Variants in ESM1 observed in about 807,000 individuals in gnomAD.
ESM1 encodes the protein endothelial cell specific molecule 1, also known as endothelial cell-specific molecule 1.
Under a neutral mutation model 14.9 loss-of-function variants are expected in ESM1, and 7 were observed. The observed-to-expected ratio is 0.47, with a 90% confidence interval of 0.27 to 0.88. The LOEUF (loss-of-function observed/expected upper bound fraction) is 0.88, where lower values mean the gene tolerates loss of function less well. Ranked by LOEUF, ESM1 falls within the 40% of genes least tolerant of loss-of-function variation. The pLI is 0.14. For missense variants in ESM1, 192 were observed against 237.9 expected (o/e 0.81, Z 1.27); for synonymous variants, 89 against 89.4 (o/e 1.00, Z 0.02).
intron 1 of ESM1, 125 bp downstream of exon 1, chr5:54,985,092 G>A: frequency 2.5e-6 from 2 of 814,352 alleles, no homozygotes; most frequent in Non-Finnish European, 4.0e-6. Flanking sequence ...CCTGTGTGGT[G>A]CCTTGTCAAG....
At position 54,979,518 on chromosome 5, in the gene ESM1, G is replaced by A. The variant is rs12517586; in HGVS notation, c.452-83C>T. 4,233 of 910,462 alleles carry A rather than the reference G, an allele frequency of 4.6e-3. 69 individuals are homozygous for A. Among genetic ancestry groups the A allele is most frequent in the East Asian group, 0.032 (1,336 of 41,272 alleles). 56.4% of individuals were successfully genotyped at this position (910,462 alleles called of 1,614,324 possible). A position where few individuals can be genotyped will look rare whatever the true frequency, so the allele number is the denominator to read the frequency against. Reference sequence around the variant, plus strand: ...GTTTTGCTTTATTTTTGTTTTACATGGAATTTACAATGAAATCTTTAATCA... The same window carrying A: ...GTTTTGCTTTATTTTTGTTTTACATAGAATTTACAATGAAATCTTTAATCA... On this transcript the variant is annotated intron_variant, in intron 2 of 2. Transcript: ENST00000381405.
chr5:54,979,548 A>G, intron 2 of ESM1, 113 bp from the exon 3 acceptor site: 1 of 719,864 alleles, frequency 1.4e-6, no homozygotes, highest in Non-Finnish European at 2.4e-6. Context: ...TAATCAATTT[A>G]AGATTCCATG....
intron 2 of ESM1, among the ~76,000 whole-genome samples, chr5:54,980,169 C>T (rs988704642): frequency 2.0e-5 from 3 of 152,092 alleles, no homozygotes; most frequent in Non-Finnish European, 4.4e-5. Context: ...TTGTGAATTC[C>T]CAACTTGGGA....
At chr5:54,985,193 G>A in intron 1 of ESM1, 24 bp downstream of exon 1, 1 of 1,564,892 alleles carries the variant, frequency 6.4e-7, no homozygotes, top group Non-Finnish European at 8.7e-7. Context: ...CCCGGGAGGG[G>A]AGAGGTAAGG....
In ESM1 at chr5:54,978,400, T is replaced by G. The variant is rs1386410069; in HGVS notation, c.*932A>C. 1 of 152,100 alleles carries G rather than the reference T, an allele frequency of 6.6e-6. No individual in the cohort carries two copies. Among genetic ancestry groups the G allele is most frequent in the Non-Finnish European group, 1.5e-5 (1 of 68,032 alleles). The allele number at this position is 152,100 out of a possible 1,614,324, so 9.4% of individuals were successfully genotyped here. ...ATTACTATAATTATGGATAATAAATTTATCATGCCTCAGATGTTTGAAAAC... is the reference window on the plus strand; with the variant it reads ...ATTACTATAATTATGGATAATAAATGTATCATGCCTCAGATGTTTGAAAAC... On this transcript the variant is annotated 3_prime_UTR_variant, in exon 3 of 3. Transcript: ENST00000381405.
chr5:54,985,513 T>C lies in ESM1; in HGVS notation c.5A>G (p.Lys2Arg), dbSNP rs752358144. The C allele has an allele frequency of 6.3e-7, 1 of 1,590,584 alleles. No homozygotes were observed. The highest frequency in any genetic ancestry group is 1.1e-5 in the South Asian group (1 of 89,530). Reference sequence around the variant, plus strand: ...GAGCGTGGTCAGCAGCAAGACGCTCTTCATGTTTCCCAGCTGCCTCCGGCT... The same window carrying C: ...GAGCGTGGTCAGCAGCAAGACGCTCCTCATGTTTCCCAGCTGCCTCCGGCT... M[K>R]SVLLLTTLLV... The change falls in exon 1 of 3, where the codon AAG (lysine) becomes AGG (arginine). Residue 2 changes from lysine (K) to arginine (R), a missense_variant. By Grantham distance (26) the Lys-to-Arg change is conservative. Transcript: ENST00000381405.
At chr5:54,981,557 A>G (rs1407747622) in intron 2 of ESM1, among the ~76,000 whole-genome samples, 1 of 152,208 alleles carries the variant, frequency 6.6e-6, no homozygotes, top group Non-Finnish European at 1.5e-5. Flanking sequence ...GAAACGTTCT[A>G]TATTTTCTAT....
intron 2 of ESM1, among the ~76,000 whole-genome samples, chr5:54,980,907 T>A (rs927506604): frequency 3.3e-5 from 5 of 152,186 alleles, no homozygotes; most frequent in African/African-American, 1.2e-4. Context: ...CTAAATAAAA[T>A]GGACTTGAAT....
chr5:54,979,492 A>G (rs1561243320), intron 2 of ESM1, 57 bp from the exon 3 acceptor site: 1 of 1,192,350 alleles, frequency 8.4e-7, no homozygotes, highest in South Asian at 1.3e-5. Flanking sequence ...AAGACAACAC[A>G]GTTTTGCTTT....
Position 54,981,983 on chromosome 5 carries a change from G to A in ESM1, c.451+14C>T, listed in dbSNP as rs377382189. ...GACTATTCTTCCAATGCTTATACCA[G>A]AATCAGTGCTTACCCGTGAGAGAAA... On this transcript the variant is annotated intron_variant, in intron 2 of 2. Transcript: ENST00000381405. The A allele has an allele frequency of 1.9e-6, 3 of 1,611,716 alleles. No homozygotes were observed. The African/African-American group carries it at 4.0e-5, about 22-fold the overall frequency.
At chr5:54,981,929 T>C in intron 2 of ESM1, 68 bp downstream of exon 2, 1 of 1,445,616 alleles carries the variant, frequency 6.9e-7, no homozygotes, top group African/African-American at 1.4e-5. Flanking sequence ...TACTCACAGA[T>C]ATTTTCTAAG....
At chr5:54,979,928 C>T (rs917481170) in intron 2 of ESM1, among the ~76,000 whole-genome samples, 8 of 152,262 alleles carry the variant, frequency 5.3e-5, no homozygotes, top group Admixed American at 2.6e-4. Context: ...ATGGGTAGAA[C>T]GTTCATAAAG....
At chr5:54,980,929 G>T (rs1676898507) in intron 2 of ESM1, among the ~76,000 whole-genome samples, 1 of 152,168 alleles carries the variant, frequency 6.6e-6, no homozygotes, top group South Asian at 2.1e-4. Flanking sequence ...GTTATTTATA[G>T]TTGTGGTGGG....
chr5:54,980,471 A>G (rs1744031940), intron 2 of ESM1, among the ~76,000 whole-genome samples: 1 of 152,204 alleles, frequency 6.6e-6, no homozygotes, highest in South Asian at 2.1e-4. Context: ...CATGTAGACT[A>G]CAAAGAACCC....
Position 54,979,245 on chromosome 5 carries a change from T to G in ESM1, c.*87A>C. ...GGTCTTCAAAAATTACATGTCCTTATGCTATAATCTAGAAAGTTCCTAAAA... is the reference window on the plus strand; with the variant it reads ...GGTCTTCAAAAATTACATGTCCTTAGGCTATAATCTAGAAAGTTCCTAAAA... On this transcript the variant is annotated 3_prime_UTR_variant, in exon 3 of 3. Coordinates refer to ENST00000381405, the MANE Select transcript of ESM1 (RefSeq NM_007036.5). 5 of 954,118 alleles carry G rather than the reference T, an allele frequency of 5.2e-6. No individual in the cohort carries two copies. In the Admixed American group the frequency reaches 7.6e-5, roughly 14 times the overall value. The allele number at this position is 954,118 out of a possible 1,614,324, so 59.1% of individuals were successfully genotyped here.
In ESM1 at chr5:54,982,072, T is replaced by TC; in HGVS notation, c.375dup (p.Thr126AspfsTer28). The TC allele has an allele frequency of 6.2e-7, 1 of 1,614,038 alleles. No homozygotes were observed. The highest frequency in any genetic ancestry group is 8.5e-7 in the Non-Finnish European group (1 of 1,179,932). On this transcript the variant is annotated frameshift_variant, in exon 2 of 3. Coordinates refer to ENST00000381405, the MANE Select transcript of ESM1 (RefSeq NM_007036.5). LOFTEE classifies it high-confidence loss of function. ...AAGGGGAATTTCAGGCATTTTCCCG[T>TC]CCCCCTGTCACAGATGCCTGACTGG...
At chr5:54,982,245 C>A in intron 1 of ESM1, 99 bp from the exon 2 acceptor site, 1 of 1,148,036 alleles carries the variant, frequency 8.7e-7, no homozygotes, top group South Asian at 1.5e-5. Flanking sequence ...GAACCAACCT[C>A]ATGAACCTTG....
At chr5:54,980,596 G>T (rs1047401943) in intron 2 of ESM1, among the ~76,000 whole-genome samples, 2 of 152,198 alleles carry the variant, frequency 1.3e-5, no homozygotes, top group African/African-American at 4.8e-5. Context: ...TTTAGCTAAT[G>T]AAAGGAAATA....
chr5:54,982,450 A>C (rs1275336181), intron 1 of ESM1, among the ~76,000 whole-genome samples: 1 of 152,212 alleles, frequency 6.6e-6, no homozygotes, highest in Non-Finnish European at 1.5e-5. Flanking sequence ...TTCTGCTTAG[A>C]TACCAATAAA....
Sources: gnomAD v4.1 joint callset for allele counts (sites outside exome capture counted in the v4.1 genomes callset) on GRCh38, gnomAD v4.1.1 for gene constraint, MANE v1.5 for transcripts, NCBI Gene and HGNC (gene_info 2026-07-23, HGNC 2026-07-21) for gene names.